NCR1: variants seen among roughly 807,000 people sequenced by gnomAD.
NCR1 encodes natural cytotoxicity triggering receptor 1, also known as NK cell-activating receptor.
In NCR1, 30 loss-of-function variants were observed where a neutral mutation model predicts 32.5. The ratio of observed to expected loss-of-function variants is 0.92; its 90% CI spans 0.69 to 1.25. The LOEUF (loss-of-function observed/expected upper bound fraction) is 1.25. Ranked by LOEUF, NCR1 falls within the 50% of genes most tolerant of loss-of-function variation. NCR1 has a pLI of 0.00. For missense variants in NCR1, 369 were observed against 380.7 expected (o/e 0.97, Z 0.26); for synonymous variants, 169 against 143.4 (o/e 1.18, Z -1.28).
the NCR1 span, chr19:54,937,921 A>G: frequency 1.3e-6 from 1 of 757,484 alleles, no homozygotes; most frequent in Non-Finnish European, 2.2e-6. Flanking sequence ...AAAAAAAAAA[A>G]GACAGCTGGA....
the NCR1 span, among the ~76,000 whole-genome samples, chr19:54,899,846 G>A: frequency 6.6e-6 from 1 of 152,130 alleles, no homozygotes; most frequent in African/African-American, 2.4e-5. Context: ...AAACACCAAG[G>A]GAAGGCTGCC....
chr19:54,930,151 A>T, the NCR1 span, among the ~76,000 whole-genome samples: 11 of 150,840 alleles, frequency 7.3e-5, no homozygotes, highest in African/African-American at 2.7e-4. Flanking sequence ...ATAGAAATTA[A>T]GGATTTCCAG....
chr19:54,914,417 C>T (rs1432787740), downstream of NCR1, among the ~76,000 whole-genome samples: 1 of 152,024 alleles, frequency 6.6e-6, no homozygotes, highest in Admixed American at 6.6e-5. Context: ...TGGCTCACTG[C>T]CACCTCCACC....
At chr19:54,937,001 G>A in the NCR1 span, among the ~76,000 whole-genome samples, 2 of 151,634 alleles carry the variant, frequency 1.3e-5, no homozygotes, top group Non-Finnish European at 2.9e-5. Flanking sequence ...GGTGGATCAC[G>A]AGGTCAGGAG....
the NCR1 span, among the ~76,000 whole-genome samples, chr19:54,932,713 T>G: frequency 6.6e-6 from 1 of 152,116 alleles, no homozygotes; most frequent in African/African-American, 2.4e-5. Flanking sequence ...TGGAGTGCAG[T>G]GGCGCCATCT....
chr19:54,934,432 T>G, the NCR1 span: 1 of 1,578,690 alleles, frequency 6.3e-7, no homozygotes, highest in Non-Finnish European at 8.7e-7. This position sits in a 1 kb window ranked among gnomAD's most constrained non-coding sequence, Gnocchi z 6.7. Context: ...GTGTTACCCT[T>G]TCTCTTCTAT....
chr19:54,932,623 A>G, the NCR1 span, among the ~76,000 whole-genome samples: 2 of 151,958 alleles, frequency 1.3e-5, no homozygotes, highest in East Asian at 1.9e-4. Context: ...CCTGCCACCT[A>G]TGTCTTTTAC....
At chr19:54,929,735 T>C in the NCR1 span, among the ~76,000 whole-genome samples, 1 of 152,132 alleles carries the variant, frequency 6.6e-6, no homozygotes, top group Non-Finnish European at 1.5e-5. Flanking sequence ...TACCTGACTT[T>C]AGAAGTGCCC....
At chr19:54,919,992 A>G (rs2068216931), downstream of NCR1, among the ~76,000 whole-genome samples, 1 of 152,208 alleles carries the variant, frequency 6.6e-6, no homozygotes, top group African/African-American at 2.4e-5. Flanking sequence ...GAGGATTATT[A>G]TAATATTGGA....
At chr19:54,917,166 G>A (rs2068152890), downstream of NCR1, among the ~76,000 whole-genome samples, 1 of 151,536 alleles carries the variant, frequency 6.6e-6, no homozygotes, top group Admixed American at 6.6e-5. Context: ...GTACCAACAG[G>A]TTTGCAGGCA....
At chr19:54,928,859 A>G in the NCR1 span, among the ~76,000 whole-genome samples, 1 of 151,886 alleles carries the variant, frequency 6.6e-6, no homozygotes, top group African/African-American at 2.4e-5. Context: ...CTGGAGTGCA[A>G]TGGCGTGATC....
downstream of NCR1, among the ~76,000 whole-genome samples, chr19:54,919,615 T>C (rs868626062): frequency 3.6e-4 from 55 of 151,788 alleles, 1 homozygote; most frequent in South Asian, 0.011. Flanking sequence ...GGGAGACGGT[T>C]AGGCCTCCGG....
the NCR1 span, among the ~76,000 whole-genome samples, chr19:54,934,116 A>AT: frequency 1.3e-5 from 2 of 151,826 alleles, no homozygotes; most frequent in South Asian, 2.1e-4. This position sits in a 1 kb window ranked among gnomAD's most constrained non-coding sequence, Gnocchi z 6.7. Context: ...AATTTTTTGT[A>AT]TTTTTTAGTA....
the NCR1 span, among the ~76,000 whole-genome samples, chr19:54,930,173 C>T: frequency 5.4e-5 from 8 of 149,202 alleles, no homozygotes; most frequent in African/African-American, 2.0e-4. Flanking sequence ...TTTCCAAACA[C>T]TTTAAAAATG....
At chr19:54,924,535 G>A in the NCR1 span, among the ~76,000 whole-genome samples, 42 of 152,210 alleles carry the variant, frequency 2.8e-4, no homozygotes, top group Middle Eastern at 6.8e-3. Flanking sequence ...GAGGCAAGAG[G>A]ATCACTTGAG....
chr19:54,912,455 C>G (rs1010410890), intron 6 of NCR1, among the ~76,000 whole-genome samples: 2 of 151,680 alleles, frequency 1.3e-5, no homozygotes, highest in Non-Finnish European at 2.9e-5. Flanking sequence ...AAAAATTAGC[C>G]AGGCGTGGTG....
At chr19:54,916,316 G>GTTTTTTTTTTTTTTTTTTTTTT (rs2068130459), downstream of NCR1, among the ~76,000 whole-genome samples, 1 of 84,568 alleles carries the variant, frequency 1.2e-5, no homozygotes, top group East Asian at 4.4e-4. Flanking sequence ...TGAATATTGT[G>GTTTTTTTTTTTTTTTTTTTTTT]CTTTTTTTTT....
intron 5 of NCR1, 81 bp from the exon 6 acceptor site, chr19:54,912,087 C>A: frequency 1.6e-6 from 2 of 1,245,810 alleles, no homozygotes; most frequent in South Asian, 1.2e-5. Context: ...TGCAGAACGT[C>A]ATGGGGTAGA....
intron 4 of NCR1, among the ~76,000 whole-genome samples, chr19:54,909,795 C>T (rs766567678): frequency 6.6e-6 from 1 of 151,684 alleles, no homozygotes; most frequent in Non-Finnish European, 1.5e-5. Context: ...ATTAGCCAGA[C>T]GCAGTGGCGG....
Sources: gnomAD v4.1 joint callset for allele counts (sites outside exome capture counted in the v4.1 genomes callset) on GRCh38, gnomAD v4.1.1 for gene constraint, Gnocchi (gnomAD v3.1) non-coding constraint, MANE v1.5 for transcripts, NCBI Gene and HGNC (gene_info 2026-07-23, HGNC 2026-07-21) for gene names.